CSMD1: variants seen among roughly 807,000 people sequenced by gnomAD.
CSMD1 encodes CUB and sushi domain-containing protein 1.
A neutral mutation model predicts 417.5 loss-of-function variants in CSMD1; 213 were observed. The ratio of observed to expected loss-of-function variants is 0.51; its 90% CI spans 0.46 to 0.57. The LOEUF (loss-of-function observed/expected upper bound fraction) is 0.57, where lower values mean the gene tolerates loss of function less well. Among genes scored for constraint, CSMD1 ranks in the 20% least tolerant of loss-of-function variants. The pLI, the probability that CSMD1 is intolerant of heterozygous loss-of-function variation, is 0.00. For synonymous variants in CSMD1, 2,862 were observed against 1,736.8 expected (o/e 1.65, Z -16.11); for missense variants, 6,923 against 4,529.7 (o/e 1.53, Z -15.17).
intron 3 of CSMD1, among the ~76,000 whole-genome samples, chr8:4,085,449 T>A (rs971381734): frequency 6.6e-6 from 1 of 152,222 alleles, no homozygotes; most frequent in South Asian, 2.1e-4. Flanking sequence ...TGAGTTTTAA[T>A]TGCTCAGATC....
chr8:3,955,702 T>C (rs1176336758), intron 5 of CSMD1, among the ~76,000 whole-genome samples: 3 of 152,008 alleles, frequency 2.0e-5, no homozygotes. Context: ...GATGAATACG[T>C]GGACACAAAG....
intron 3 of CSMD1, among the ~76,000 whole-genome samples, chr8:4,153,245 G>C (rs1476850205): frequency 1.3e-5 from 2 of 152,212 alleles, no homozygotes; most frequent in Non-Finnish European, 2.9e-5. Flanking sequence ...GAGTATGCCA[G>C]AAATGATACA....
chr8:3,300,004 T>G (rs1410698045), intron 25 of CSMD1, among the ~76,000 whole-genome samples: 2 of 151,956 alleles, frequency 1.3e-5, no homozygotes, highest in African/African-American at 4.8e-5. Context: ...GCCCTGGAGG[T>G]GACACACGGG....
At chr8:4,812,410 T>C (rs879916871) in intron 1 of CSMD1, among the ~76,000 whole-genome samples, 44 of 152,206 alleles carry the variant, frequency 2.9e-4, no homozygotes, top group Non-Finnish European at 5.3e-4. Flanking sequence ...CACAGAGTAG[T>C]GACTTTGTCA....
rs142688245 is a variant in CSMD1, at chr8:3,001,057, G to A, written c.8030-926C>T. ...TGCAGTGGCACCATCACGGCTCACC[G>A]TAGCCTCAATCCCTTGGGCTCAAGT... On this transcript the variant is annotated intron_variant, in intron 52 of 69. Transcript: ENST00000635120. Among the ~76,000 whole-genome samples the A allele has an allele frequency of 4.7e-3, 716 of 151,276 alleles. 6 individuals carry two copies. Among genetic ancestry groups the A allele is most frequent in the African/African-American group, 0.016 (672 of 41,236 alleles).
Position 4,702,059 on chromosome 8 carries a change from G to A in CSMD1, c.86-64501C>T, listed in dbSNP as rs535910025. ...CACTTATAAGTGGGAGCTGAACAAT[G>A]AGAACACATGGACACAGGAAAGGGA... On this transcript the variant is annotated intron_variant, in intron 1 of 69. Transcript: ENST00000635120. Among the ~76,000 whole-genome samples, 18 of 152,270 alleles carry A rather than the reference G, an allele frequency of 1.2e-4. No individual in the cohort carries two copies. The South Asian group carries it at 2.7e-3, about 23-fold the overall frequency.
chr8:3,175,940 A>C (rs7828093), intron 37 of CSMD1, among the ~76,000 whole-genome samples: 34,286 of 152,098 alleles, frequency 0.23, 4,175 homozygotes, highest in East Asian at 0.47. Context: ...TCAGTGGCAT[A>C]CATTAACACT....
At chr8:3,226,308 C>A (rs1026185507) in intron 27 of CSMD1, among the ~76,000 whole-genome samples, 4 of 152,022 alleles carry the variant, frequency 2.6e-5, no homozygotes, top group African/African-American at 2.4e-5. Context: ...TGAAGCCGAA[C>A]GTGGTGGCTC....
At chr8:3,722,010 G>A (rs977061127) in intron 6 of CSMD1, among the ~76,000 whole-genome samples, 3 of 152,158 alleles carry the variant, frequency 2.0e-5, no homozygotes, top group South Asian at 2.1e-4. Context: ...ACACATGGGT[G>A]GAGTTGGCAC....
chr8:4,184,722 C>T (rs1325336362), intron 3 of CSMD1, among the ~76,000 whole-genome samples: 3 of 151,886 alleles, frequency 2.0e-5, no homozygotes, highest in Non-Finnish European at 4.4e-5. Context: ...GGGAGGGGAC[C>T]GTGAAAAATA....
chr8:3,952,595 G>C (rs1210919868), intron 5 of CSMD1, among the ~76,000 whole-genome samples: 2 of 152,176 alleles, frequency 1.3e-5, no homozygotes, highest in Non-Finnish European at 2.9e-5. Context: ...CCAAGAGACA[G>C]GGAGAGAGGA....
At chr8:4,105,051 A>T (rs1450885966) in intron 3 of CSMD1, among the ~76,000 whole-genome samples, 2 of 152,200 alleles carry the variant, frequency 1.3e-5, no homozygotes, top group African/African-American at 4.8e-5. Context: ...CCTAATTCCA[A>T]CTAAAGGCAG....
chr8:3,552,467 T>A (rs1355875946), intron 10 of CSMD1, among the ~76,000 whole-genome samples: 3 of 152,232 alleles, frequency 2.0e-5, no homozygotes, highest in Non-Finnish European at 4.4e-5. Context: ...TAAAGCTTCC[T>A]CTGACCTGTG....
At chr8:3,599,434 C>T (rs992662519) in intron 8 of CSMD1, among the ~76,000 whole-genome samples, 3 of 152,066 alleles carry the variant, frequency 2.0e-5, no homozygotes, top group Non-Finnish European at 4.4e-5. Flanking sequence ...TACAACACGA[C>T]ATTACTAACC....
chr8:3,032,630 C>T (rs769616030), intron 50 of CSMD1, among the ~76,000 whole-genome samples: 2 of 151,992 alleles, frequency 1.3e-5, no homozygotes, highest in African/African-American at 2.4e-5. Context: ...ATTCACATGC[C>T]TGTACGTGGT....
At chr8:4,147,759 T>C (rs578024395) in intron 3 of CSMD1, among the ~76,000 whole-genome samples, 16 of 152,042 alleles carry the variant, frequency 1.1e-4, no homozygotes, top group African/African-American at 3.6e-4. Flanking sequence ...CGGCAAGCCA[T>C]GGACTTGCCA....
intron 1 of CSMD1, among the ~76,000 whole-genome samples, chr8:4,991,820 C>T (rs1209732884): frequency 6.6e-6 from 1 of 152,242 alleles, no homozygotes; most frequent in Non-Finnish European, 1.5e-5. Flanking sequence ...CTGCCTGCAG[C>T]CCCTTCCCAG....
Position 4,395,354 on chromosome 8 carries a change from A to C in CSMD1, c.415+24599T>G, listed in dbSNP as rs35025446. Among the ~76,000 whole-genome samples, 96 of 152,262 alleles carry C rather than the reference A, an allele frequency of 6.3e-4. No individual in the cohort carries two copies. The East Asian group carries it at 0.015, about 24-fold the overall frequency. On this transcript the variant is annotated intron_variant, in intron 3 of 69. Transcript: ENST00000635120. ...AGTATCTGAGAGCATTGTTTGCATT[A>C]AGACTAGGGGAGTAGTCCCAATATC...
At chr8:4,772,981 A>T (rs9657401) in intron 1 of CSMD1, among the ~76,000 whole-genome samples, 2 of 152,034 alleles carry the variant, frequency 1.3e-5, no homozygotes, top group Non-Finnish European at 2.9e-5. Flanking sequence ...AGATACATGG[A>T]TGAGTATGAC....
Sources: allele counts gnomAD v4.1 joint callset (sites outside exome capture counted in the v4.1 genomes callset), GRCh38; gene constraint gnomAD v4.1.1; transcripts MANE v1.5; gene names NCBI Gene and HGNC (gene_info 2026-07-23, HGNC 2026-07-21).